STK39: variants seen among roughly 807,000 people sequenced by gnomAD.
STK39 encodes STE20/SPS1-related proline-alanine-rich protein kinase.
A neutral mutation model predicts 77.8 loss-of-function variants in STK39; 20 were observed. The observed-to-expected ratio is 0.26, with a 90% CI of 0.18 to 0.37. The LOEUF (loss-of-function observed/expected upper bound fraction) is 0.37, where lower values mean the gene tolerates loss of function less well. STK39 is among the 10% of genes least tolerant of loss of function. The pLI is 1.00. For synonymous variants in STK39, 246 were observed against 234.1 expected, an observed-to-expected ratio of 1.05 and a Z score of -0.47; for missense variants, 479 against 656.5, an observed-to-expected ratio of 0.73 and a Z score of 2.95.
chr2:167,993,466 C>T (rs1052917781), intron 16 of STK39, among the ~76,000 whole-genome samples: 1 of 152,136 alleles, frequency 6.6e-6, no homozygotes, highest in Non-Finnish European at 1.5e-5. Context: ...GCGGGAGGAT[C>T]GCTTGAGGCC....
chr2:168,177,985 A>G (rs1688994675), intron 2 of STK39, among the ~76,000 whole-genome samples: 1 of 152,244 alleles, frequency 6.6e-6, no homozygotes, highest in Admixed American at 6.5e-5. Context: ...AAATGAAGAG[A>G]CTCATTCACT....
At chr2:168,244,871 A>G (rs561132658) in intron 1 of STK39, among the ~76,000 whole-genome samples, 1 of 152,312 alleles carries the variant, frequency 6.6e-6, no homozygotes, top group South Asian at 2.1e-4. Context: ...TTCCTCAGGT[A>G]AATTTCTTTT....
intron 12 of STK39, among the ~76,000 whole-genome samples, chr2:168,065,935 C>G (rs1685781779): frequency 6.6e-6 from 1 of 151,932 alleles, no homozygotes; most frequent in Non-Finnish European, 1.5e-5. Flanking sequence ...GTTAGAAACC[C>G]AACTCTAAGG....
intron 15 of STK39, among the ~76,000 whole-genome samples, chr2:168,013,571 T>C (rs112243851): frequency 6.6e-6 from 1 of 152,190 alleles, no homozygotes; most frequent in Non-Finnish European, 1.5e-5. Context: ...TATTTAGAAT[T>C]GTAGCTTGAT....
chr2:168,196,101 G>A (rs1038917320), intron 1 of STK39, among the ~76,000 whole-genome samples: 2 of 152,236 alleles, frequency 1.3e-5, no homozygotes, highest in African/African-American at 4.8e-5. Flanking sequence ...TACTGATTAT[G>A]TGTAATAATT....
In STK39 at chr2:168,247,307, C is replaced by T. The variant is rs2105291719; in HGVS notation, c.129G>A (p.Pro43=). ...GTGCCGCCGGGGCCGGGGCCGGGGC[C>T]GGGGCCGCGGGAGCTGCCGGGGCCG... ...AAPAPAAPAA[P]APAPAPAAQA... Residue 43 remains proline (P), a synonymous_variant, in exon 1 of 18, where the codon CCG becomes CCA. Coordinates refer to ENST00000355999, the MANE Select transcript of STK39 (RefSeq NM_013233.3). The T allele has an allele frequency of 9.6e-7, 1 of 1,036,676 alleles. No homozygotes were observed. Among genetic ancestry groups the T allele is most frequent in the Non-Finnish European group, 1.2e-6 (1 of 861,660 alleles). 64.2% of individuals were successfully genotyped at this position (1,036,676 alleles called of 1,614,324 possible).
At position 168,012,715 on chromosome 2, in the gene STK39, G is replaced by C. The variant is rs1347414179; in HGVS notation, c.1430-13C>G. ...CCATCTGCTGTATCTGTCCAAATGTGAAATGAATATGTATTAGTAACCATA... is the reference window on the plus strand; with the variant it reads ...CCATCTGCTGTATCTGTCCAAATGTCAAATGAATATGTATTAGTAACCATA... On this transcript the variant is annotated splice_polypyrimidine_tract_variant and intron_variant, in intron 15 of 17. Coordinates refer to ENST00000355999, the MANE Select transcript of STK39 (RefSeq NM_013233.3). The C allele has an allele frequency of 6.2e-7, 1 of 1,609,592 alleles. No homozygotes were observed.
chr2:168,027,373 T>A (rs1400966306), intron 14 of STK39, among the ~76,000 whole-genome samples: 13 of 152,164 alleles, frequency 8.5e-5, no homozygotes, highest in African/African-American at 2.7e-4. Flanking sequence ...TTCTAAAAAG[T>A]GAAAATTCCT....
intron 2 of STK39, among the ~76,000 whole-genome samples, chr2:168,181,389 A>C (rs1210757440): frequency 6.6e-6 from 1 of 152,178 alleles, no homozygotes; most frequent in Admixed American, 6.5e-5. Flanking sequence ...CATTGCTACT[A>C]TAGTCATATC....
intron 10 of STK39, among the ~76,000 whole-genome samples, chr2:168,101,789 G>A (rs1468942677): frequency 6.6e-6 from 1 of 152,020 alleles, no homozygotes; most frequent in Non-Finnish European, 1.5e-5. Context: ...TTTTTATTGA[G>A]AGATAATCCA....
At chr2:167,963,523 TAAA>T (rs1242335979) in intron 17 of STK39, among the ~76,000 whole-genome samples, 1 of 138,676 alleles carries the variant, frequency 7.2e-6, no homozygotes, top group African/African-American at 2.7e-5. Flanking sequence ...ACTCTCACAT[TAAA>T]AAAAAAAAAA....
At chr2:168,158,375 T>C (rs542338625) in intron 5 of STK39, among the ~76,000 whole-genome samples, 1 of 152,268 alleles carries the variant, frequency 6.6e-6, no homozygotes, top group East Asian at 1.9e-4. Flanking sequence ...CTTAATTCTA[T>C]ACCAAATGAC....
chr2:167,964,464 T>G (rs1692090479), intron 17 of STK39, 198 bp downstream of exon 17: 3 of 545,822 alleles, frequency 5.5e-6, no homozygotes, highest in Non-Finnish European at 9.6e-6. Flanking sequence ...GCTATGCTCA[T>G]AGAAGAGGAC....
intron 10 of STK39, among the ~76,000 whole-genome samples, chr2:168,119,193 G>A (rs951210576): frequency 9.9e-5 from 15 of 152,142 alleles, no homozygotes; most frequent in East Asian, 3.8e-4. Context: ...CACTCAGGCC[G>A]ATGTGGATCA....
chr2:168,048,676 C>G (rs962838749), intron 14 of STK39, among the ~76,000 whole-genome samples: 1 of 152,164 alleles, frequency 6.6e-6, no homozygotes, highest in Non-Finnish European at 1.5e-5. Flanking sequence ...ACCACTCAAG[C>G]CTCCAATAAT....
chr2:168,079,118 A>G (rs1029211360), intron 10 of STK39, among the ~76,000 whole-genome samples: 2 of 152,176 alleles, frequency 1.3e-5, no homozygotes, highest in Non-Finnish European at 2.9e-5. Context: ...ATCATGAAAA[A>G]TTAACGAAAT....
intron 14 of STK39, among the ~76,000 whole-genome samples, chr2:168,053,211 A>G (rs1481847234): frequency 6.6e-6 from 1 of 152,238 alleles, no homozygotes; most frequent in Non-Finnish European, 1.5e-5. Context: ...TTTCAGTAAT[A>G]TAAGTTTTGG....
chr2:167,980,777 A>G (rs1173090504), intron 16 of STK39, among the ~76,000 whole-genome samples: 1 of 149,872 alleles, frequency 6.7e-6, no homozygotes, highest in Non-Finnish European at 1.5e-5. Flanking sequence ...TTAAATGTGT[A>G]GTAATTTCCA....
At chr2:168,101,866 T>C (rs532721378) in intron 10 of STK39, among the ~76,000 whole-genome samples, 9 of 152,208 alleles carry the variant, frequency 5.9e-5, no homozygotes, top group Non-Finnish European at 1.3e-4. Flanking sequence ...TGTGCAACCA[T>C]CACCACAATC....
Sources: gnomAD v4.1 joint callset for allele counts (sites outside exome capture counted in the v4.1 genomes callset) on GRCh38, gnomAD v4.1.1 for gene constraint, MANE v1.5 for transcripts, NCBI Gene and HGNC (gene_info 2026-07-23, HGNC 2026-07-21) for gene names.